Variants in PRDM6 observed in about 807,000 individuals in gnomAD.
PRDM6 encodes the protein putative histone-lysine N-methyltransferase PRDM6.
PRDM6 carries 25 observed loss-of-function variants against 60.8 expected under a neutral mutation model. The observed-to-expected ratio is 0.41, with a 90% CI of 0.30 to 0.57. The LOEUF is 0.57. Ranked by LOEUF, PRDM6 falls within the 20% of genes least tolerant of loss-of-function variation. The pLI is 0.27. For synonymous variants in PRDM6, 407 were observed against 357.4 expected, an observed-to-expected ratio of 1.14 and a Z score of -1.57; for missense variants, 839 against 821.3, an observed-to-expected ratio of 1.02 and a Z score of -0.26.
intron 6 of PRDM6, among the ~76,000 whole-genome samples, chr5:123,175,992 A>C (rs979466608): frequency 6.6e-6 from 1 of 152,048 alleles, no homozygotes; most frequent in Non-Finnish European, 1.5e-5. Flanking sequence ...ATACCAACTA[A>C]ATCTACCCAG....
At chr5:123,137,718 G>A (rs956815128) in intron 3 of PRDM6, among the ~76,000 whole-genome samples, 8 of 152,044 alleles carry the variant, frequency 5.3e-5, no homozygotes, top group African/African-American at 7.2e-5. Flanking sequence ...CAGCAAACCC[G>A]CATGGCATGT....
At chr5:123,156,539 G>A (rs148556103) in intron 4 of PRDM6, among the ~76,000 whole-genome samples, 235 of 152,296 alleles carry the variant, frequency 1.5e-3, no homozygotes, top group African/African-American at 5.4e-3. Context: ...CTCCTGCTCC[G>A]TCTAAAGGTG....
At chr5:123,091,607 G>A (rs561053235) in intron 2 of PRDM6, among the ~76,000 whole-genome samples, 1 of 152,222 alleles carries the variant, frequency 6.6e-6, no homozygotes, top group Non-Finnish European at 1.5e-5. Flanking sequence ...GATAATTTCA[G>A]AAGTTATACT....
chr5:123,102,606 G>A lies in PRDM6; in HGVS notation c.900+2645G>A, dbSNP rs558965622. Among the ~76,000 whole-genome samples, 257 of 152,092 alleles carry A rather than the reference G, an allele frequency of 1.7e-3. 1 individual carries two copies. Among genetic ancestry groups the A allele is most frequent in the African/African-American group, 5.8e-3 (242 of 41,522 alleles). ...ATTCTTTTAGATGTCTTCCAGAATA[G>A]CAAGTCAACAAAATGTATTAAAAAA... On this transcript the variant is annotated intron_variant, in intron 3 of 7. Coordinates refer to ENST00000407847, the MANE Select transcript of PRDM6 (RefSeq NM_001136239.4).
chr5:123,170,773 C>T lies in PRDM6; in HGVS notation c.1161C>T (p.Val387=), dbSNP rs528760231. The change falls in exon 6 of 8, where the codon GTC becomes GTT. Residue 387 remains valine (V), a synonymous_variant. Coordinates refer to ENST00000407847, the MANE Select transcript of PRDM6 (RefSeq NM_001136239.4). ...QCIAQDENLN[V]PSTVMEAMCR... is the part of the protein sequence containing the mutation. ...CTGTTGCTATTCTCCTAGTAAATGT[C>T]CCTTCAACGGTAATGGAAGCCATGT... is the stretch of plus-strand genomic sequence containing the variant. The T allele has an allele frequency of 6.5e-7, 1 of 1,547,854 alleles. No individual in the cohort carries two copies. Among genetic ancestry groups the T allele is most frequent in the South Asian group, 1.2e-5 (1 of 83,622 alleles).
chr5:123,145,888 T>C (rs1399055907), intron 3 of PRDM6, among the ~76,000 whole-genome samples: 1 of 152,166 alleles, frequency 6.6e-6, no homozygotes, highest in East Asian at 1.9e-4. Context: ...GAAATAAAGC[T>C]GTTGCCTGCT....
chr5:123,132,631 T>A (rs993588066), intron 3 of PRDM6, among the ~76,000 whole-genome samples: 3 of 152,076 alleles, frequency 2.0e-5, no homozygotes, highest in African/African-American at 7.2e-5. Context: ...TGGCCCAGAC[T>A]CAAAAAAGTG....
At chr5:123,185,306 C>G (rs530011855) in intron 7 of PRDM6, among the ~76,000 whole-genome samples, 1 of 152,120 alleles carries the variant, frequency 6.6e-6, no homozygotes, top group East Asian at 1.9e-4. Context: ...GATTCTAGAG[C>G]TTCAAGATAA....
chr5:123,131,534 T>G (rs1384232681), intron 3 of PRDM6, among the ~76,000 whole-genome samples: 8 of 152,250 alleles, frequency 5.3e-5, no homozygotes, highest in African/African-American at 1.9e-4. Flanking sequence ...GGCATTGTTC[T>G]GTGCACTTTG....
intron 3 of PRDM6, among the ~76,000 whole-genome samples, chr5:123,113,554 C>T (rs997477652): frequency 1.3e-5 from 2 of 152,182 alleles, no homozygotes; most frequent in African/African-American, 4.8e-5. Context: ...AGGTAAGTAA[C>T]TTGCCCAAGG....
intron 3 of PRDM6, among the ~76,000 whole-genome samples, chr5:123,115,673 T>G (rs544269545): frequency 6.6e-6 from 1 of 152,372 alleles, no homozygotes; most frequent in African/African-American, 2.4e-5. Flanking sequence ...AGCATGCTGC[T>G]TGTCCTCATC....
intron 2 of PRDM6, among the ~76,000 whole-genome samples, chr5:123,097,439 C>T (rs1198475961): frequency 2.0e-5 from 3 of 152,098 alleles, no homozygotes; most frequent in Non-Finnish European, 2.9e-5. Flanking sequence ...TGAATCCTTT[C>T]TCTGCCACTT....
At chr5:123,109,124 G>A (rs1222561827) in intron 3 of PRDM6, among the ~76,000 whole-genome samples, 1 of 152,072 alleles carries the variant, frequency 6.6e-6, no homozygotes, top group Non-Finnish European at 1.5e-5. Context: ...TGGGGTCTAT[G>A]AGGAGATTAT....
At position 123,187,768 on chromosome 5, in the gene PRDM6, C is replaced by G. The variant is rs1449167598; in HGVS notation, c.*567C>G. On this transcript the variant is annotated 3_prime_UTR_variant, in exon 8 of 8. Transcript: ENST00000407847. ...GCATCCCATTTCCATGTCTTCCATGCTCACTGCTCATGCACTTTTTACACG... is the reference window on the plus strand; with the variant it reads ...GCATCCCATTTCCATGTCTTCCATGGTCACTGCTCATGCACTTTTTACACG... 6.6e-6 allele frequency: 1 copy of G among 152,634 alleles called. No homozygotes were observed. Among genetic ancestry groups the G allele is most frequent in the Non-Finnish European group, 1.5e-5 (1 of 68,310 alleles). The allele number at this position is 152,634 out of a possible 1,614,324, so 9.5% of individuals were successfully genotyped here. A position where few individuals can be genotyped will look rare whatever the true frequency, so the allele number is the denominator to read the frequency against.
rs1222290722 is a variant in PRDM6 at position 123,187,477 on chromosome 5, T to C, written c.*276T>C. 1 of 246,042 alleles carries C rather than the reference T, an allele frequency of 4.1e-6. No homozygotes were observed. The highest frequency in any genetic ancestry group is 8.0e-6 in the Non-Finnish European group (1 of 124,308). 15.2% of individuals were successfully genotyped at this position (246,042 alleles called of 1,614,324 possible). A position where few individuals can be genotyped will look rare whatever the true frequency, so the allele number is the denominator to read the frequency against. On this transcript the variant is annotated 3_prime_UTR_variant, in exon 8 of 8. Coordinates refer to ENST00000407847, the MANE Select transcript of PRDM6 (RefSeq NM_001136239.4). Reference sequence around the variant, plus strand: ...TCCAGTCCCACCATGTATTTTGCTTTGTTTCTAAAAAGCTTTTTAAAAACT... The same window carrying C: ...TCCAGTCCCACCATGTATTTTGCTTCGTTTCTAAAAAGCTTTTTAAAAACT...
intron 7 of PRDM6, among the ~76,000 whole-genome samples, chr5:123,181,183 T>A (rs888506862): frequency 1.3e-5 from 2 of 152,232 alleles, no homozygotes; most frequent in Admixed American, 6.5e-5. Context: ...CCCTGGTAGG[T>A]ACAAGAGATA....
rs568931267 is a variant in PRDM6, at chr5:123,093,965, G to C, written c.592+3359G>C. Among the ~76,000 whole-genome samples the C allele has an allele frequency of 2.0e-4, 31 of 152,058 alleles. No individual in the cohort carries two copies. In the South Asian group the frequency reaches 6.5e-3, roughly 32 times the overall value. On this transcript the variant is annotated intron_variant, in intron 2 of 7. Coordinates refer to ENST00000407847, the MANE Select transcript of PRDM6 (RefSeq NM_001136239.4). ...GGACCACTTTGCAAATTCCCCAGTT[G>C]GGGGAGGGGTCTCTGTCCCCTCCCG...
intron 3 of PRDM6, among the ~76,000 whole-genome samples, chr5:123,131,229 A>G (rs990086970): frequency 6.6e-6 from 1 of 152,154 alleles, no homozygotes; most frequent in South Asian, 2.1e-4. Context: ...GGGCACAAAA[A>G]TACTGTTAGG....
chr5:123,176,545 T>A (rs1449051510), intron 6 of PRDM6, among the ~76,000 whole-genome samples: 1 of 152,028 alleles, frequency 6.6e-6, no homozygotes, highest in African/African-American at 2.4e-5. Context: ...ACCCCATCTC[T>A]ACAAAAAATA....
Sources: allele counts gnomAD v4.1 joint callset (sites outside exome capture counted in the v4.1 genomes callset), GRCh38; gene constraint gnomAD v4.1.1; transcripts MANE v1.5; gene names NCBI Gene and HGNC (gene_info 2026-07-23, HGNC 2026-07-21).